Variants in MALRD1 observed in about 807,000 individuals in gnomAD.
MALRD1 encodes MAM and LDL receptor class A domain containing 1, also known as MAM and LDL-receptor class A domain-containing protein 1.
In MALRD1, 247 loss-of-function variants were observed where a neutral mutation model predicts 242.1. That is an observed-to-expected ratio of 1.02 (90% confidence interval 0.92 to 1.13). The LOEUF (loss-of-function observed/expected upper bound fraction) is 1.13, where lower values mean the gene tolerates loss of function less well. Ranked by LOEUF, MALRD1 falls within the 50% of genes most tolerant of loss-of-function variation. The pLI is 0.00. For missense variants in MALRD1, 2,989 were observed against 2,533.1 expected (o/e 1.18, Z -3.86); for synonymous variants, 995 against 866.6 (o/e 1.15, Z -2.60).
intron 31 of MALRD1, among the ~76,000 whole-genome samples, chr10:19,530,465 A>AGT (rs1564417668): frequency 1.1e-5 from 1 of 89,540 alleles, no homozygotes; most frequent in Non-Finnish European, 2.2e-5. Context: ...ATATAATAAT[A>AGT]AATAATTATA....
chr10:19,267,751 G>A (rs1334523375), intron 19 of MALRD1, among the ~76,000 whole-genome samples: 6 of 152,078 alleles, frequency 3.9e-5, no homozygotes, highest in African/African-American at 1.2e-4. Context: ...TCTAAAGGAG[G>A]TGTAGACTCA....
At chr10:19,104,476 T>A (rs1836392278) in intron 5 of MALRD1, among the ~76,000 whole-genome samples, 1 of 152,166 alleles carries the variant, frequency 6.6e-6, no homozygotes, top group African/African-American at 2.4e-5. Context: ...GTATTAGTTA[T>A]AATCTATTTT....
At chr10:19,301,668 C>A (rs1042804834) in intron 21 of MALRD1, among the ~76,000 whole-genome samples, 2 of 151,606 alleles carry the variant, frequency 1.3e-5, no homozygotes, top group Admixed American at 1.3e-4. Flanking sequence ...ACATTGAGTA[C>A]ACATGGACAC....
chr10:19,670,386 C>T (rs561746928), intron 36 of MALRD1, among the ~76,000 whole-genome samples: 158 of 152,264 alleles, frequency 1.0e-3, no homozygotes, highest in African/African-American at 3.7e-3. Flanking sequence ...GACCCTTTGC[C>T]TCCAACACTC....
chr10:19,087,973 A>G (rs1412920912), intron 3 of MALRD1, 39 bp downstream of exon 3: 8 of 1,232,488 alleles, frequency 6.5e-6, no homozygotes, highest in Middle Eastern at 2.1e-4. Context: ...ATTTTGTCAC[A>G]TTTGGGGACT....
At chr10:19,050,076 A>G (rs768945455) in intron 1 of MALRD1, among the ~76,000 whole-genome samples, 9 of 141,792 alleles carry the variant, frequency 6.3e-5, no homozygotes, top group Non-Finnish European at 6.1e-5. Flanking sequence ...ACTCAAACAT[A>G]TGTCTTCTTT....
chr10:19,201,528 G>A (rs34880376), intron 14 of MALRD1, among the ~76,000 whole-genome samples: 25,265 of 151,988 alleles, frequency 0.17, 2,749 homozygotes, highest in Admixed American at 0.26. Context: ...CTTTCTCCCC[G>A]TATTTACATA....
Position 19,124,576 on chromosome 10 carries a change from A to G in MALRD1, c.849A>G (p.Ala283=). 1 of 1,233,918 alleles carries G rather than the reference A, an allele frequency of 8.1e-7. No individual in the cohort carries two copies. Among genetic ancestry groups the G allele is most frequent in the Non-Finnish European group, 1.0e-6 (1 of 988,126 alleles). The allele number at this position is 1,233,918 out of a possible 1,614,324, so 76.4% of individuals were successfully genotyped here. Reference sequence around the variant, plus strand: ...ACATGTGTGAGTGGACGTCAGAAGCATCTGCTGGCCAAATTTCCTGGATGC... The same window carrying G: ...ACATGTGTGAGTGGACGTCAGAAGCGTCTGCTGGCCAAATTTCCTGGATGC... ...EFDMCEWTSE[A]SAGQISWMRT... Residue 283 remains alanine, a synonymous_variant, in exon 7 of 40, where the codon GCA becomes GCG. Coordinates refer to ENST00000454679, the MANE Select transcript of MALRD1 (RefSeq NM_001142308.3).
intron 21 of MALRD1, among the ~76,000 whole-genome samples, chr10:19,300,024 C>T (rs1301495495): frequency 2.0e-5 from 3 of 151,956 alleles, no homozygotes; most frequent in Non-Finnish European, 2.9e-5. Context: ...AGCAAAATTT[C>T]AGGATACAAA....
At chr10:19,676,159 C>T (rs917703759) in intron 36 of MALRD1, among the ~76,000 whole-genome samples, 6 of 152,024 alleles carry the variant, frequency 3.9e-5, no homozygotes, top group African/African-American at 1.2e-4. Flanking sequence ...GCTGTGCCAG[C>T]GAGAAGCCAG....
intron 1 of MALRD1, among the ~76,000 whole-genome samples, chr10:19,050,909 T>C (rs768929962): frequency 1.3e-5 from 2 of 152,204 alleles, no homozygotes; most frequent in Non-Finnish European, 2.9e-5. Flanking sequence ...AATGGAAAGC[T>C]GCTGAATAGG....
chr10:19,163,711 T>C (rs2358344), intron 12 of MALRD1, among the ~76,000 whole-genome samples: 25,369 of 152,156 alleles, frequency 0.17, 2,758 homozygotes, highest in Admixed American at 0.26. Flanking sequence ...TCAATAACTT[T>C]TGTTCAGTGA....
At chr10:19,242,203 T>C (rs1036057264) in intron 18 of MALRD1, among the ~76,000 whole-genome samples, 9 of 152,072 alleles carry the variant, frequency 5.9e-5, no homozygotes, top group African/African-American at 1.4e-4. Context: ...GCAAACAAAA[T>C]AGAAATGAGA....
intron 36 of MALRD1, among the ~76,000 whole-genome samples, chr10:19,624,854 C>T (rs1208507389): frequency 1.6e-5 from 2 of 125,106 alleles, no homozygotes; most frequent in African/African-American, 6.2e-5. Context: ...GCCTGGGTGA[C>T]AGAGGGAGAC....
intron 18 of MALRD1, among the ~76,000 whole-genome samples, chr10:19,226,989 T>C (rs917462701): frequency 1.3e-5 from 2 of 152,072 alleles, no homozygotes; most frequent in Non-Finnish European, 1.5e-5. Flanking sequence ...AATTTCTAAA[T>C]CACTAATACG....
chr10:19,504,506 C>G (rs1022301922), intron 31 of MALRD1, among the ~76,000 whole-genome samples: 2 of 152,044 alleles, frequency 1.3e-5, no homozygotes, highest in African/African-American at 2.4e-5. Context: ...AGCCAGCACT[C>G]CCTCACATGA....
chr10:19,124,472 G>A, intron 6 of MALRD1, 52 bp from the exon 7 acceptor site: 1 of 1,230,958 alleles, frequency 8.1e-7, no homozygotes, highest in Non-Finnish European at 1.0e-6. Flanking sequence ...ACTTGGTTAA[G>A]CAGCCACTCT....
chr10:19,371,019 A>T (rs549844103), intron 26 of MALRD1, among the ~76,000 whole-genome samples: 1 of 149,628 alleles, frequency 6.7e-6, no homozygotes, highest in Non-Finnish European at 1.5e-5. Context: ...GATATCCAAG[A>T]CCATATTTTT....
intron 1 of MALRD1, among the ~76,000 whole-genome samples, chr10:19,053,813 G>A (rs1834581604): frequency 6.6e-6 from 1 of 151,002 alleles, no homozygotes; most frequent in Non-Finnish European, 1.5e-5. Context: ...AAAAACCTGT[G>A]CATTAAAAAA....
Sources: allele counts gnomAD v4.1 joint callset (sites outside exome capture counted in the v4.1 genomes callset), GRCh38; gene constraint gnomAD v4.1.1; transcripts MANE v1.5; gene names NCBI Gene and HGNC (gene_info 2026-07-23, HGNC 2026-07-21).